The following MYBPC2 variants were observed in gnomAD, a reference collection of about 807,000 sequenced individuals.
The protein encoded by MYBPC2 is myosin binding protein C2.
A neutral mutation model predicts 137.0 loss-of-function variants in MYBPC2; 122 were observed. The observed-to-expected ratio is 0.89, with a 90% CI of 0.77 to 1.03. MYBPC2 has a LOEUF of 1.03. Ranked by LOEUF, MYBPC2 falls within the 50% of genes least tolerant of loss-of-function variation. The pLI is 0.00. For synonymous variants in MYBPC2, 626 were observed against 612.3 expected, an observed-to-expected ratio of 1.02 and a Z score of -0.33; for missense variants, 1,500 against 1,534.4, an observed-to-expected ratio of 0.98 and a Z score of 0.37.
chr19:50,450,927 A>T lies in MYBPC2; in HGVS notation c.1571A>T (p.Asn524Ile). 1 of 1,565,054 alleles carries T rather than the reference A, an allele frequency of 6.4e-7. No individual in the cohort carries two copies. Among genetic ancestry groups the T allele is most frequent in the Non-Finnish European group, 8.7e-7 (1 of 1,155,044 alleles). The change falls in exon 14 of 28, where the codon AAC (asparagine) becomes ATC (isoleucine). Residue 524 changes from asparagine to isoleucine, a missense_variant. By Grantham distance (149) the Asn-to-Ile change is moderately radical (BLOSUM62 -3). Coordinates refer to ENST00000357701, the MANE Select transcript of MYBPC2 (RefSeq NM_004533.4). ...GYALSLSAKL[N>I]FLEIKVEYVP... Reference sequence around the variant, plus strand: ...GCCCTGTCGCTCTCGGCCAAGCTCAACTTCCTGGGTGAGGATGCCCCTTCC... The same window carrying T: ...GCCCTGTCGCTCTCGGCCAAGCTCATCTTCCTGGGTGAGGATGCCCCTTCC...
rs887704103 is a variant in MYBPC2 at position 50,443,002 on chromosome 19, C to T, written c.903-492C>T. On this transcript the variant is annotated intron_variant, in intron 9 of 27. Transcript: ENST00000357701. ...CCATGTTGCCCAGGCTGGTCTTGAC[C>T]TCTTCAAGCAATCTGCCTGCCTCAG... Among the ~76,000 whole-genome samples the T allele has an allele frequency of 2.0e-5, 3 of 152,024 alleles. No individual in the cohort carries two copies. The South Asian group carries it at 6.3e-4, about 32-fold the overall frequency.
At position 50,435,810 on chromosome 19, in the gene MYBPC2, G is replaced by T; in HGVS notation, c.144G>T (p.Glu48Asp). 6.2e-7 allele frequency: 1 copy of T among 1,611,782 alleles called. No individual in the cohort carries two copies. Among genetic ancestry groups the T allele is most frequent in the Non-Finnish European group, 8.5e-7 (1 of 1,178,906 alleles). The change falls in exon 3 of 28, where the codon GAG becomes GAT. Residue 48 changes from glutamate (E) to aspartate (D), a missense_variant. Glu to Asp is a conservative substitution (Grantham distance 45, BLOSUM62 2). Transcript: ENST00000357701. The surrounding 1 kb of genome is among the most constrained non-coding windows in gnomAD (Gnocchi z 4.8). ...CCGAGGACCAGTCCCCGACTGCAGA[G>T]GAGCCCACCGGCGTTTTCCTGAAGA... Reference protein sequence around the residue: ...APPEDQSPTAEEPTGVFLKKP... With the variant: ...APPEDQSPTADEPTGVFLKKP...
chr19:50,440,675 AACC>A lies in MYBPC2; in HGVS notation c.573-203_573-201del, dbSNP rs1232534464. Among the ~76,000 whole-genome samples the A allele has an allele frequency of 1.3e-5, 2 of 151,080 alleles. 1 individual carries two copies. Among genetic ancestry groups the A allele is most frequent in the African/African-American group, 4.9e-5 (2 of 41,164 alleles). On this transcript the variant is annotated intron_variant, in intron 7 of 27. Transcript: ENST00000357701. ...GAGAATCTGTCTCAAAAAAAAAAAA[AACC>A]AAAAAACCCAGTGGGGACTGTGCTG...
chr19:50,450,860 C>T lies in MYBPC2; in HGVS notation c.1504C>T (p.Pro502Ser), dbSNP rs768043688. ...CAAGCTGGTGATCGATGACGTCCGC[C>T]CCGAGGATGAGGGAGACTACACGTT... ...FHKLVIDDVR[P>S]EDEGDYTFVP... The change falls in exon 14 of 28, where the codon CCC becomes TCC. Residue 502 changes from proline to serine, a missense_variant. Transcript: ENST00000357701. 1.8e-5 allele frequency: 29 copies of T among 1,578,304 alleles called. No individual in the cohort carries two copies. Among genetic ancestry groups the T allele is most frequent in the Non-Finnish European group, 2.5e-5 (29 of 1,162,370 alleles).
chr19:50,452,508 GTATCTATC>G (rs59342187), intron 16 of MYBPC2, among the ~76,000 whole-genome samples: 29 of 114,748 alleles, frequency 2.5e-4, no homozygotes, highest in African/African-American at 6.9e-4. Context: ...ATGTATGTAT[GTATCTATC>G]TATCTATCTA....
At chr19:50,450,960 C>T (rs2039851402) in intron 14 of MYBPC2, 25 bp downstream of exon 14, 1 of 1,546,600 alleles carries the variant, frequency 6.5e-7, no homozygotes, top group Non-Finnish European at 8.8e-7. Flanking sequence ...TCCTCCTTCC[C>T]TGGGGGCTGT....
At position 50,464,483 on chromosome 19, in the gene MYBPC2, C is replaced by A. The variant is rs770686563; in HGVS notation, c.3366C>A (p.Ala1122=). 6 of 1,612,874 alleles carry A rather than the reference C, an allele frequency of 3.7e-6. No individual in the cohort carries two copies. Among genetic ancestry groups the A allele is most frequent in the Non-Finnish European group, 5.1e-6 (6 of 1,179,658 alleles). ...ACGCTGGGACTTACACCTGCCGGGC[C>A]GTCAACGAGCTGGGCGAGGCGCTGG... is the stretch of plus-strand genomic sequence containing the variant. ...PFDAGTYTCR[A]VNELGEALAE... The change falls in exon 27 of 28, where the codon GCC becomes GCA. Residue 1122 remains alanine, a synonymous_variant. Coordinates refer to ENST00000357701, the MANE Select transcript of MYBPC2 (RefSeq NM_004533.4).
chr19:50,459,906 G>A, intron 23 of MYBPC2, 134 bp from the exon 24 acceptor site: 1 of 1,288,704 alleles, frequency 7.8e-7, no homozygotes, highest in Non-Finnish European at 1.1e-6. Context: ...GGATGGGGGA[G>A]GCCATAGGCA....
rs1358376704 is a variant in MYBPC2 at position 50,454,045 on chromosome 19, C to T, written c.1775C>T (p.Thr592Ile). ...GTATTCACGACCACCGAGGGCAGGA[C>T]CCGCATCGAGAAGCGGGTGGACTGC... ...DEVFTTTEGR[T>I]RIEKRVDCSS... The change falls in exon 17 of 28, where the codon ACC (threonine) becomes ATC (isoleucine). Residue 592 changes from threonine to isoleucine, a missense_variant. Thr to Ile is a moderately conservative substitution (Grantham distance 89). Coordinates refer to ENST00000357701, the MANE Select transcript of MYBPC2 (RefSeq NM_004533.4). 6 of 1,606,688 alleles carry T rather than the reference C, an allele frequency of 3.7e-6. No individual in the cohort carries two copies. Among genetic ancestry groups the T allele is most frequent in the Non-Finnish European group, 4.2e-6 (5 of 1,176,872 alleles).
rs2040008727 is a variant in MYBPC2 at position 50,465,606 on chromosome 19, C to T, written c.3416-589C>T. Among the ~76,000 whole-genome samples, 1 of 152,200 alleles carries T rather than the reference C, an allele frequency of 6.6e-6. No individual in the cohort carries two copies. The highest frequency in any genetic ancestry group is 6.5e-5 in the Admixed American group (1 of 15,282). On this transcript the variant is annotated intron_variant, in intron 27 of 27. Coordinates refer to ENST00000357701, the MANE Select transcript of MYBPC2 (RefSeq NM_004533.4). This position sits in a 1 kb window ranked among gnomAD's most constrained non-coding sequence, Gnocchi z 4.5. ...CCTGTAATCCCAGCACATTGGGAGGCCAAGGCAGGCGAGTTGCTTGAGCCC... is the reference window on the plus strand; with the variant it reads ...CCTGTAATCCCAGCACATTGGGAGGTCAAGGCAGGCGAGTTGCTTGAGCCC...
At position 50,440,360 on chromosome 19, in the gene MYBPC2, A is replaced by AAATG. The variant is rs1555796270; in HGVS notation, c.573-517_573-514dup. On this transcript the variant is annotated intron_variant, in intron 7 of 27. Coordinates refer to ENST00000357701, the MANE Select transcript of MYBPC2 (RefSeq NM_004533.4). The stretch of plus-strand genomic sequence containing the variant: ...TAAATAAATAAATAAATAAATAAAT[A>AAATG]AATGAAAAGAAATACTCTGCGGACC... 7.5e-4 allele frequency among the ~76,000 whole-genome samples: 114 copies of AAATG among 151,520 alleles called. 1 individual carries two copies. The highest frequency in any genetic ancestry group is 2.7e-3 in the African/African-American group (111 of 41,308).
In MYBPC2 at chr19:50,453,695, C is replaced by T. The variant is rs184585472; in HGVS notation, c.1750-325C>T. 2.6e-4 allele frequency among the ~76,000 whole-genome samples: 40 copies of T among 152,142 alleles called. No individual in the cohort carries two copies. In the East Asian group the frequency reaches 6.4e-3, roughly 24 times the overall value. ...AGCTGGGATTACAGGCATGCACCACCAGGCCCGGCTAATTTTGTATTTTTA... is the reference window on the plus strand; with the variant it reads ...AGCTGGGATTACAGGCATGCACCACTAGGCCCGGCTAATTTTGTATTTTTA... On this transcript the variant is annotated intron_variant, in intron 16 of 27. Transcript: ENST00000357701.
At chr19:50,455,917 C>T (rs954874430) in intron 20 of MYBPC2, among the ~76,000 whole-genome samples, 1 of 152,152 alleles carries the variant, frequency 6.6e-6, no homozygotes, top group Non-Finnish European at 1.5e-5. Flanking sequence ...TTATCTTTTA[C>T]CTTTATGCCT....
chr19:50,440,328 AAATAAATAAAT>A (rs1568659050), intron 7 of MYBPC2, among the ~76,000 whole-genome samples: 4 of 119,620 alleles, frequency 3.3e-5, no homozygotes, highest in African/African-American at 1.2e-4. Context: ...GAAATAAAAT[AAATAAATAAAT>A]AAATAAATAA....
At position 50,450,201 on chromosome 19, in the gene MYBPC2, C is replaced by G. The variant is rs371989896; in HGVS notation, c.1473-628C>G. Among the ~76,000 whole-genome samples the G allele has an allele frequency of 5.9e-5, 9 of 152,158 alleles. No individual in the cohort carries two copies. In the South Asian group the frequency reaches 1.9e-3, roughly 32 times the overall value. On this transcript the variant is annotated intron_variant, in intron 13 of 27. Coordinates refer to ENST00000357701, the MANE Select transcript of MYBPC2 (RefSeq NM_004533.4). ...ACAACACATAATGATGATAACACAT[C>G]CTGACACTTACAGGGCCCTTACTAT...
chr19:50,464,606 G>T, intron 27 of MYBPC2, 74 bp downstream of exon 27: 3 of 1,436,440 alleles, frequency 2.1e-6, no homozygotes, highest in Non-Finnish European at 1.8e-6. Context: ...GTGGCCCCGG[G>T]CTGAGCACCG....
chr19:50,438,491 G>A (rs866038052), intron 7 of MYBPC2, among the ~76,000 whole-genome samples: 11 of 152,150 alleles, frequency 7.2e-5, no homozygotes, highest in African/African-American at 2.4e-4. Flanking sequence ...CACCAGTGAA[G>A]AGGTGGGCAG....
At chr19:50,459,971 AG>A (rs2039956477) in intron 23 of MYBPC2, 68 bp from the exon 24 acceptor site, 7 of 1,462,752 alleles carry the variant, frequency 4.8e-6, no homozygotes, top group Non-Finnish European at 6.3e-6. Context: ...GGGTGTGGAG[AG>A]GGGAGGGGAG....
chr19:50,441,214 C>A, intron 8 of MYBPC2, 138 bp downstream of exon 8: 1 of 918,602 alleles, frequency 1.1e-6, no homozygotes, highest in Non-Finnish European at 1.6e-6. Flanking sequence ...TAGCGGTGGG[C>A]CTCGGACACC....
Sources: allele counts gnomAD v4.1 joint callset (sites outside exome capture counted in the v4.1 genomes callset), GRCh38; gene constraint gnomAD v4.1.1; non-coding constraint Gnocchi (gnomAD v3.1); transcripts MANE v1.5; gene names NCBI Gene and HGNC (gene_info 2026-07-23, HGNC 2026-07-21).